Variants in PPP1R3F observed in about 807,000 individuals in gnomAD.
PPP1R3F encodes protein phosphatase 1 regulatory subunit 3F.
PPP1R3F carries 29 observed loss-of-function variants against 24.2 expected under a neutral mutation model. The observed-to-expected ratio is 1.20, with a 90% confidence interval of 0.89 to 1.63. The LOEUF (loss-of-function observed/expected upper bound fraction) is 1.63. Among genes scored for constraint, PPP1R3F ranks in the 40% most tolerant of loss-of-function variants. The probability of loss-of-function intolerance (pLI) is 0.00; values close to 1 mark genes in which losing one functional copy is unlikely to be tolerated. For synonymous variants in PPP1R3F, 363 were observed against 340.1 expected, an observed-to-expected ratio of 1.07 and a Z score of -0.74; for missense variants, 823 against 729.3, an observed-to-expected ratio of 1.13 and a Z score of -1.48.
At chrX:49,297,636 A>C (rs980576522) in intron 3 of PPP1R3F, among the ~76,000 whole-genome samples, 5 of 111,299 alleles carry the variant, frequency 4.5e-5, no homozygotes, top group Non-Finnish European at 7.5e-5. Context: ...GGCATGAGCC[A>C]ACGCGCCTGA....
rs1263924041 is a variant in PPP1R3F at position 49,286,245 on chromosome X, G to A, written c.1555G>A (p.Gly519Arg). The change falls in exon 4 of 4, where the codon GGG becomes AGG. Residue 519 changes from glycine (G) to arginine (R), a missense_variant. Physicochemically the swap from Gly to Arg is moderately radical, Grantham distance 125 (BLOSUM62 -2). Coordinates refer to ENST00000055335, the MANE Select transcript of PPP1R3F (RefSeq NM_033215.5). ...TGGTGGGGAGGGCTCCACAGATGGA[G>A]GGATGTCCCCCAGCCATCCCCTGGG... ...GGGGEGSTDGGMSPSHPLGIL... is the reference protein window; with the variant it reads ...GGGGEGSTDGRMSPSHPLGIL... 27 of 1,209,262 alleles carry A rather than the reference G, an allele frequency of 2.2e-5. No homozygotes were observed. Among genetic ancestry groups the A allele is most frequent in the Non-Finnish European group, 2.9e-5 (26 of 894,818 alleles).
rs781803447 is a variant in PPP1R3F, at chrX:49,277,551, C to T, written c.1005-3855C>T. Among the ~76,000 whole-genome samples the T allele has an allele frequency of 4.7e-4, 53 of 112,494 alleles. No homozygotes were observed. The South Asian group carries it at 6.9e-3, about 15-fold the overall frequency. ...CAGGTACAGTTTTGTTCTTAATCTT[C>T]TCCCTCCCCATTTTTCTAAGAACCC... On this transcript the variant is annotated intron_variant, in intron 1 of 3. Transcript: ENST00000055335.
Position 49,270,431 on chromosome X carries a change from T to C in PPP1R3F, c.562T>C (p.Trp188Arg). The change falls in exon 1 of 4, where the codon TGG becomes CGG. Residue 188 changes from tryptophan to arginine, a missense_variant. Trp to Arg is a moderately radical substitution (Grantham distance 101, BLOSUM62 -3). Transcript: ENST00000055335. ...GCACGTGCGGGCCTCACACGACGGC[T>C]GGGCTTCCTTTTGCGACCACCCAGC... ...AVHVRASHDGWASFCDHPARY... is the reference protein window; with the variant it reads ...AVHVRASHDGRASFCDHPARY... The C allele has an allele frequency of 8.4e-7, 1 of 1,193,521 alleles. No homozygotes were observed. The highest frequency in any genetic ancestry group is 1.1e-6 in the Non-Finnish European group (1 of 891,508).
intron 1 of PPP1R3F, among the ~76,000 whole-genome samples, chrX:49,271,267 C>G (rs1557119270): frequency 1.8e-5 from 2 of 111,339 alleles, no homozygotes; most frequent in Non-Finnish European, 1.9e-5. Context: ...AAAGGGAGGG[C>G]CTTTGAGGAG....
downstream of PPP1R3F, among the ~76,000 whole-genome samples, chrX:49,292,141 G>C (rs2066310925): frequency 9.0e-6 from 1 of 111,329 alleles, no homozygotes; most frequent in South Asian, 3.8e-4. Flanking sequence ...ACTGCTTGTA[G>C]GGTCACAGGC....
intron 1 of PPP1R3F, chrX:49,274,150 A>G (rs782022790): frequency 1.8e-5 from 2 of 112,546 alleles, no homozygotes; most frequent in East Asian, 2.8e-4. Flanking sequence ...CCTGTGAAGT[A>G]GAGGGTTTTA....
At position 49,270,479 on chromosome X, in the gene PPP1R3F, C is replaced by T. The variant is rs1179558491; in HGVS notation, c.610C>T (p.Pro204Ser). The T allele has an allele frequency of 8.3e-7, 1 of 1,204,482 alleles. No individual in the cohort carries two copies. Among genetic ancestry groups the T allele is most frequent in the Non-Finnish European group, 1.1e-6 (1 of 894,836 alleles). ...HPARYVPRSPPWAGAGGTGAG... is the reference protein window; with the variant it reads ...HPARYVPRSPSWAGAGGTGAG... ...AGCGCGCTACGTCCCGCGCAGCCCG[C>T]CGTGGGCAGGAGCGGGAGGAACAGG... Residue 204 changes from proline (P) to serine (S), a missense_variant, in exon 1 of 4, where the codon CCG (proline) becomes TCG (serine). Pro to Ser is a moderately conservative substitution (Grantham distance 74). Coordinates refer to ENST00000055335, the MANE Select transcript of PPP1R3F (RefSeq NM_033215.5).
Position 49,286,331 on chromosome X carries a change from C to A in PPP1R3F, c.1641C>A (p.Ser547Arg). 8.3e-7 allele frequency: 1 copy of A among 1,207,002 alleles called. No homozygotes were observed. The highest frequency in any genetic ancestry group is 1.1e-6 in the Non-Finnish European group (1 of 892,634). Residue 547 changes from serine (S) to arginine (R), a missense_variant, in exon 4 of 4, where the codon AGC (serine) becomes AGA (arginine). Physicochemically the swap from Ser to Arg is moderately radical, Grantham distance 110 (BLOSUM62 -1). Coordinates refer to ENST00000055335, the MANE Select transcript of PPP1R3F (RefSeq NM_033215.5). ...KWPGPERALN[S>R]ALAEEITLHY... is the part of the protein sequence containing the mutation. ...CTGGCCCTGAGCGGGCCCTGAACAGCGCCCTGGCTGAGGAGATCACGCTGC... is the reference window on the plus strand; with the variant it reads ...CTGGCCCTGAGCGGGCCCTGAACAGAGCCCTGGCTGAGGAGATCACGCTGC...
intron 3 of PPP1R3F, among the ~76,000 whole-genome samples, chrX:49,283,128 C>T (rs958536334): frequency 1.8e-5 from 2 of 111,239 alleles, no homozygotes; most frequent in Non-Finnish European, 3.8e-5. Context: ...AATATCAACA[C>T]GTGCTCATTC....
chrX:49,282,124 T>C lies in PPP1R3F; in HGVS notation c.1143+61T>C, dbSNP rs2066252865. 3 of 944,837 alleles carry C rather than the reference T, an allele frequency of 3.2e-6. No homozygotes were observed. The African/African-American group carries it at 5.8e-5, about 18-fold the overall frequency. The allele number at this position is 944,837 out of a possible 1,213,427, so 77.9% of individuals were successfully genotyped here. ...CAATAGGAGGCTCACAGTGTGACTA[T>C]TGCTGGGCTGGGTGGTGGGGCCCAC... On this transcript the variant is annotated intron_variant, in intron 3 of 3. Coordinates refer to ENST00000055335, the MANE Select transcript of PPP1R3F (RefSeq NM_033215.5).
chrX:49,281,911 G>T, intron 2 of PPP1R3F, 70 bp from the exon 3 acceptor site: 1 of 859,986 alleles, frequency 1.2e-6, no homozygotes, highest in Admixed American at 2.4e-5. Context: ...TAGGATGGCA[G>T]ATTTTCTTAA....
In PPP1R3F at chrX:49,270,305, G is replaced by A; in HGVS notation, c.436G>A (p.Gly146Arg). ...GCTGGAGGCGCTGCTGCCGCCTCCCGGAGCGGTCCCCGGGGGTGCCGGGGT... is the reference window on the plus strand; with the variant it reads ...GCTGGAGGCGCTGCTGCCGCCTCCCAGAGCGGTCCCCGGGGGTGCCGGGGT... The part of the protein sequence containing the change: ...VELEALLPPP[G>R]AVPGGAGVWV... Residue 146 changes from glycine (G) to arginine (R), a missense_variant, in exon 1 of 4, where the codon GGA becomes AGA. Transcript: ENST00000055335. The A allele has an allele frequency of 9.0e-7, 1 of 1,107,703 alleles. No individual in the cohort carries two copies. The highest frequency in any genetic ancestry group is 1.2e-6 in the Non-Finnish European group (1 of 851,879). 91.3% of individuals were successfully genotyped at this position (1,107,703 alleles called of 1,213,427 possible).
Position 49,270,577 on chromosome X carries a change from C to T in PPP1R3F, c.708C>T (p.Asp236=), listed in dbSNP as rs782507236. ...PGQASASSPD[D]GGRTDRFAFQ... is the part of the protein sequence containing the mutation. ...AGGCATCCGCCTCCTCGCCCGACGA[C>T]GGCGGCCGCACCGACCGCTTTGCCT... Residue 236 remains aspartate, a synonymous_variant, in exon 1 of 4, where the codon GAC becomes GAT. Coordinates refer to ENST00000055335, the MANE Select transcript of PPP1R3F (RefSeq NM_033215.5). 60 of 1,201,246 alleles carry T rather than the reference C, an allele frequency of 5.0e-5. No homozygotes were observed. Among genetic ancestry groups the T allele is most frequent in the Non-Finnish European group, 6.5e-5 (58 of 893,378 alleles).
chrX:49,282,856 T>G (rs1335858450), intron 3 of PPP1R3F, among the ~76,000 whole-genome samples: 1 of 109,283 alleles, frequency 9.2e-6, no homozygotes, highest in East Asian at 2.9e-4. Context: ...GGATGTAATC[T>G]GATTTAGGAT....
intron 2 of PPP1R3F, 147 bp from the exon 3 acceptor site, chrX:49,281,834 A>G: frequency 2.2e-6 from 1 of 457,908 alleles, no homozygotes; most frequent in East Asian, 3.7e-5. Flanking sequence ...TCTCAAAAAA[A>G]AAATGAAGGG....
intron 1 of PPP1R3F, among the ~76,000 whole-genome samples, chrX:49,276,630 G>GGT (rs1557120040): frequency 8.9e-6 from 1 of 112,288 alleles, no homozygotes; most frequent in Admixed American, 9.4e-5. Context: ...TACACGTGTG[G>GGT]GTGTGCTGGG....
chrX:49,270,954 C>G, intron 1 of PPP1R3F, 81 bp downstream of exon 1: 1 of 989,404 alleles, frequency 1.0e-6, no homozygotes, highest in African/African-American at 1.9e-5. Flanking sequence ...AGGAACCCCT[C>G]AGGCCTGCTC....
intron 3 of PPP1R3F, among the ~76,000 whole-genome samples, chrX:49,298,452 T>C (rs2031491886): frequency 8.9e-6 from 1 of 112,071 alleles, no homozygotes; most frequent in Admixed American, 9.5e-5. Context: ...ACATTTTTTC[T>C]TTGATTTCAA....
intron 1 of PPP1R3F, among the ~76,000 whole-genome samples, chrX:49,279,390 A>C (rs1460171513): frequency 4.5e-5 from 5 of 111,292 alleles, no homozygotes; most frequent in African/African-American, 1.6e-4. Context: ...GGTTTTCAAA[A>C]AGTTTCAACC....
Sources: allele counts gnomAD v4.1 joint callset (sites outside exome capture counted in the v4.1 genomes callset), GRCh38; gene constraint gnomAD v4.1.1; transcripts MANE v1.5; gene names NCBI Gene and HGNC (gene_info 2026-07-23, HGNC 2026-07-21).